Variants in RGS7 observed in about 807,000 individuals in gnomAD.
RGS7 encodes regulator of G protein signaling 7, also known as regulator of G-protein signaling 7.
RGS7 carries 27 observed loss-of-function variants against 81.1 expected under a neutral mutation model. The observed-to-expected ratio is 0.33, with a 90% CI of 0.25 to 0.46. The LOEUF is 0.46. Among genes scored for constraint, RGS7 ranks in the 20% least tolerant of loss-of-function variants. RGS7 has a pLI of 1.00. For missense variants in RGS7, 396 were observed against 607.4 expected (o/e 0.65, Z 3.66); for synonymous variants, 208 against 207.7 (o/e 1.00, Z -0.01).
intron 4 of RGS7, among the ~76,000 whole-genome samples, chr1:240,961,901 G>C (rs2148476963): frequency 6.6e-6 from 1 of 152,088 alleles, no homozygotes; most frequent in South Asian, 2.1e-4. Context: ...GAGTAAGGGA[G>C]GGAAGAAGGC....
chr1:241,111,625 A>T (rs1019585555), intron 2 of RGS7, among the ~76,000 whole-genome samples: 2 of 152,084 alleles, frequency 1.3e-5, no homozygotes, highest in African/African-American at 4.8e-5. Context: ...AAGTAAAAAA[A>T]AAAATGAAAA....
rs559249552 is a variant in RGS7 at position 240,983,842 on chromosome 1, T to C, written c.176-713A>G. On this transcript the variant is annotated intron_variant, in intron 3 of 18. Coordinates refer to ENST00000440928, the MANE Select transcript of RGS7 (RefSeq NM_001364886.1). ...TTGAAGCAGGGTGTCATATTCATCT[T>C]TGATTATTTGGAGCATAGTAAGTGC... 1.6e-3 allele frequency among the ~76,000 whole-genome samples: 239 copies of C among 152,336 alleles called. 1 individual carries two copies. The highest frequency in any genetic ancestry group is 3.4e-3 in the Middle Eastern group (1 of 294).
intron 2 of RGS7, among the ~76,000 whole-genome samples, chr1:241,102,126 G>A (rs747459990): frequency 6.6e-6 from 1 of 152,142 alleles, no homozygotes; most frequent in Non-Finnish European, 1.5e-5. Flanking sequence ...CATGCATTCA[G>A]CTGTTTTTAT....
intron 2 of RGS7, among the ~76,000 whole-genome samples, chr1:241,313,819 T>C (rs1427802081): frequency 6.6e-6 from 1 of 152,136 alleles, no homozygotes; most frequent in Admixed American, 6.5e-5. Flanking sequence ...AAAATAACAA[T>C]ATTAACAGAA....
chr1:240,811,065 C>T (rs1256879671), intron 14 of RGS7, among the ~76,000 whole-genome samples: 1 of 152,146 alleles, frequency 6.6e-6, no homozygotes, highest in African/African-American at 2.4e-5. Context: ...AGAACGTGAC[C>T]ATGCCTGGCA....
intron 4 of RGS7, among the ~76,000 whole-genome samples, chr1:240,976,846 C>G (rs537009701): frequency 9.2e-6 from 1 of 108,590 alleles, no homozygotes; most frequent in African/African-American, 3.0e-5. Flanking sequence ...ATTTATCTAT[C>G]ATCTATCTAT....
In RGS7 at chr1:240,789,627, G is replaced by A. The variant is rs146788992; in HGVS notation, c.*6+11014C>T. Among the ~76,000 whole-genome samples, 1,179 of 152,252 alleles carry A rather than the reference G, an allele frequency of 7.7e-3. 12 individuals are homozygous for A. Among genetic ancestry groups the A allele is most frequent in the African/African-American group, 0.026 (1,073 of 41,544 alleles). The stretch of plus-strand genomic sequence containing the variant: ...TAGCTGTGGGATGAAATAAGCCCTG[G>A]TCTCCTGTAGCGCTCCCAGGCTTAT... On this transcript the variant is annotated intron_variant, in intron 18 of 18. Coordinates refer to ENST00000440928, the MANE Select transcript of RGS7 (RefSeq NM_001364886.1).
chr1:241,278,253 G>T (rs1056726577), intron 2 of RGS7, among the ~76,000 whole-genome samples: 2 of 152,070 alleles, frequency 1.3e-5, no homozygotes, highest in Non-Finnish European at 2.9e-5. Flanking sequence ...CATGGCTTAA[G>T]TTTTTGTTTT....
chr1:241,218,168 G>A (rs991121984), intron 2 of RGS7, among the ~76,000 whole-genome samples: 6 of 152,142 alleles, frequency 3.9e-5, no homozygotes, highest in Non-Finnish European at 7.4e-5. Context: ...AAAGAGCCCC[G>A]AGTATCTTTT....
intron 2 of RGS7, among the ~76,000 whole-genome samples, chr1:241,309,303 T>C (rs1447748840): frequency 6.8e-6 from 1 of 146,586 alleles, no homozygotes; most frequent in Non-Finnish European, 1.5e-5. Flanking sequence ...TGAGAATTGC[T>C]TGAACCCGGG....
intron 3 of RGS7, among the ~76,000 whole-genome samples, chr1:241,058,959 C>T (rs117913049): frequency 2.6e-5 from 4 of 152,276 alleles, no homozygotes; most frequent in East Asian, 3.9e-4. Context: ...CCCACTGATG[C>T]CACTGAATCT....
chr1:241,047,584 G>A (rs1396841267), intron 3 of RGS7, among the ~76,000 whole-genome samples: 1 of 152,022 alleles, frequency 6.6e-6, no homozygotes, highest in Non-Finnish European at 1.5e-5. Context: ...CTTCAACAGG[G>A]AACTTGACTT....
rs765692771 is a variant in RGS7 at position 241,355,771 on chromosome 1, G to C, written c.6C>G (p.Ala2=). The C allele has an allele frequency of 1.9e-6, 3 of 1,613,956 alleles. No individual in the cohort carries two copies. Among genetic ancestry groups the C allele is most frequent in the South Asian group, 1.1e-5 (1 of 91,070 alleles). The change falls in exon 2 of 19, where the codon GCC becomes GCG. Residue 2 remains alanine (A), a synonymous_variant. Coordinates refer to ENST00000440928, the MANE Select transcript of RGS7 (RefSeq NM_001364886.1). The stretch of plus-strand genomic sequence containing the variant: ...TGGTCTGCCCATAATTATTCCCCTG[G>C]GCCATGTCACCCAAAACTTGGTCCA... The part of the protein sequence containing the change: M[A]QGNNYGQTSN...
intron 6 of RGS7, among the ~76,000 whole-genome samples, chr1:240,900,136 C>A (rs368713567): frequency 1.4e-4 from 21 of 152,320 alleles, no homozygotes; most frequent in African/African-American, 4.8e-4. Context: ...TCAGCTACAT[C>A]AGGTCATTTA....
chr1:241,051,632 A>T (rs1398282886), intron 3 of RGS7, among the ~76,000 whole-genome samples: 1 of 150,960 alleles, frequency 6.6e-6, no homozygotes, highest in African/African-American at 2.4e-5. Flanking sequence ...ACTGATTCAC[A>T]CTGTTTAAAT....
intron 3 of RGS7, among the ~76,000 whole-genome samples, chr1:241,005,055 T>C (rs1362459905): frequency 1.3e-5 from 2 of 151,990 alleles, no homozygotes; most frequent in African/African-American, 4.8e-5. Context: ...CTCACATACA[T>C]GAGGTGCCCA....
chr1:241,235,585 CTTTCTTTCTTCCTTTATT>C (rs778805107), intron 2 of RGS7, among the ~76,000 whole-genome samples: 5 of 151,854 alleles, frequency 3.3e-5, no homozygotes, highest in African/African-American at 4.8e-5. Flanking sequence ...TTTTCTTTCT[CTTTCTTTCTTCCTTTATT>C]TTTCTTTCTT....
chr1:241,024,633 G>T (rs1401986964), intron 3 of RGS7, among the ~76,000 whole-genome samples: 1 of 152,134 alleles, frequency 6.6e-6, no homozygotes, highest in Non-Finnish European at 1.5e-5. Context: ...ACTTAAGGAC[G>T]CCGAATGGAA....
At chr1:241,283,935 T>C (rs949554996) in intron 2 of RGS7, among the ~76,000 whole-genome samples, 1 of 152,228 alleles carries the variant, frequency 6.6e-6, no homozygotes, top group African/African-American at 2.4e-5. Flanking sequence ...CTTTGGTTAT[T>C]GTATTTTTTA....
Sources: allele counts gnomAD v4.1 joint callset (sites outside exome capture counted in the v4.1 genomes callset), GRCh38; gene constraint gnomAD v4.1.1; transcripts MANE v1.5; gene names NCBI Gene and HGNC (gene_info 2026-07-23, HGNC 2026-07-21).